Variants in CACNA2D2 observed in about 807,000 individuals in gnomAD.
CACNA2D2 encodes the protein calcium voltage-gated channel auxiliary subunit alpha2delta 2.
In CACNA2D2, 48 loss-of-function variants were observed where a neutral mutation model predicts 166.4. The ratio of observed to expected loss-of-function variants is 0.29; its 90% CI spans 0.23 to 0.37. CACNA2D2 has a LOEUF of 0.37. CACNA2D2 is among the 10% of genes least tolerant of loss of function. The pLI is 1.00. For synonymous variants in CACNA2D2, 561 were observed against 573.7 expected, an observed-to-expected ratio of 0.98 and a Z score of 0.32; for missense variants, 1,122 against 1,433.0, an observed-to-expected ratio of 0.78 and a Z score of 3.50.
chr3:50,401,186 C>T (rs1016717536), intron 3 of CACNA2D2, among the ~76,000 whole-genome samples: 1 of 152,222 alleles, frequency 6.6e-6, no homozygotes, highest in Admixed American at 6.5e-5. Flanking sequence ...TTGGCAGCAA[C>T]AGGCTCCCTG....
chr3:50,378,473 C>T, intron 13 of CACNA2D2, 140 bp from the exon 14 acceptor site: 1 of 813,554 alleles, frequency 1.2e-6, no homozygotes, highest in Non-Finnish European at 2.0e-6. Flanking sequence ...CCCTCTAGTG[C>T]TCCCGGCCTC....
intron 23 of CACNA2D2, among the ~76,000 whole-genome samples, chr3:50,369,492 G>C (rs191128416): frequency 6.6e-6 from 1 of 152,224 alleles, no homozygotes; most frequent in African/African-American, 2.4e-5. Flanking sequence ...CATCTACAGA[G>C]AGAGTCACAG....
At chr3:50,459,489 C>T (rs1163337140) in intron 2 of CACNA2D2, among the ~76,000 whole-genome samples, 2 of 152,150 alleles carry the variant, frequency 1.3e-5, no homozygotes, top group African/African-American at 4.8e-5. Context: ...CCTCCCACCC[C>T]ATGGTGCCCT....
chr3:50,494,420 G>C (rs531890949), intron 1 of CACNA2D2, among the ~76,000 whole-genome samples: 1 of 152,210 alleles, frequency 6.6e-6, no homozygotes, highest in South Asian at 2.1e-4. Context: ...CTGGAAACTC[G>C]AGGCAGAGCA....
At chr3:50,407,578 C>G (rs1354942992) in intron 3 of CACNA2D2, among the ~76,000 whole-genome samples, 1 of 152,190 alleles carries the variant, frequency 6.6e-6, no homozygotes, top group African/African-American at 2.4e-5. Flanking sequence ...GCCACAGTAC[C>G]CCATGGGGCA....
intron 4 of CACNA2D2, among the ~76,000 whole-genome samples, chr3:50,390,387 G>A (rs1705825389): frequency 6.6e-6 from 1 of 152,126 alleles, no homozygotes; most frequent in Admixed American, 6.5e-5. Context: ...GGATGAGGAG[G>A]CCTCCTCTGA....
intron 3 of CACNA2D2, among the ~76,000 whole-genome samples, chr3:50,394,421 T>C (rs1342354681): frequency 2.6e-5 from 4 of 152,186 alleles, no homozygotes; most frequent in African/African-American, 9.6e-5. Flanking sequence ...GGCATCTCCA[T>C]GGGACTCCCT....
intron 22 of CACNA2D2, among the ~76,000 whole-genome samples, chr3:50,370,870 TTC>T (rs1052445535): frequency 3.9e-5 from 6 of 152,216 alleles, no homozygotes; most frequent in Admixed American, 1.3e-4. Flanking sequence ...CTGCGGATTT[TTC>T]TCTCTCTTTC....
intron 2 of CACNA2D2, among the ~76,000 whole-genome samples, chr3:50,467,526 G>A (rs1340493027): frequency 6.6e-6 from 1 of 152,142 alleles, no homozygotes; most frequent in Non-Finnish European, 1.5e-5. Flanking sequence ...TCAGCCTTGT[G>A]GGCACCTATG....
In CACNA2D2 at chr3:50,378,344, A is replaced by G; in HGVS notation, c.1340-11T>C. The G allele has an allele frequency of 6.4e-7, 1 of 1,551,472 alleles. No individual in the cohort carries two copies. The highest frequency in any genetic ancestry group is 8.7e-7 in the Non-Finnish European group (1 of 1,147,038). Reference sequence around the variant, plus strand: ...TCTCAAAATAGTAGCCTGTGAAGGAAGGAGAGGCAGAGGTGGGCCTGGCTG... The same window carrying G: ...TCTCAAAATAGTAGCCTGTGAAGGAGGGAGAGGCAGAGGTGGGCCTGGCTG... On this transcript the variant is annotated splice_polypyrimidine_tract_variant and intron_variant, in intron 13 of 37. Coordinates refer to ENST00000424201, the MANE Select transcript of CACNA2D2 (RefSeq NM_006030.4).
chr3:50,397,387 T>C (rs1267831517), intron 3 of CACNA2D2, among the ~76,000 whole-genome samples: 2 of 152,140 alleles, frequency 1.3e-5, no homozygotes, highest in Admixed American at 1.3e-4. Flanking sequence ...CTAAGGCAGC[T>C]GGTGGGGTGC....
At chr3:50,368,631 C>T (rs894053520) in intron 23 of CACNA2D2, among the ~76,000 whole-genome samples, 2 of 152,214 alleles carry the variant, frequency 1.3e-5, no homozygotes, top group African/African-American at 4.8e-5. Flanking sequence ...CAAGCACTGG[C>T]TTTTTGTCAG....
rs991519950 is a variant in CACNA2D2, at chr3:50,375,174, G to A, written c.1908-361C>T. On this transcript the variant is annotated intron_variant, in intron 21 of 37. Coordinates refer to ENST00000424201, the MANE Select transcript of CACNA2D2 (RefSeq NM_006030.4). This position sits in a 1 kb window ranked among gnomAD's most constrained non-coding sequence, Gnocchi z 4.0. Reference sequence around the variant, plus strand: ...GCAATGCCAGTGTTGCCGTGGGAGTGGGGTCACCAGCCCCCAGATACTCAA... The same window carrying A: ...GCAATGCCAGTGTTGCCGTGGGAGTAGGGTCACCAGCCCCCAGATACTCAA... Among the ~76,000 whole-genome samples, 4 of 152,220 alleles carry A rather than the reference G, an allele frequency of 2.6e-5. No individual in the cohort carries two copies. Among genetic ancestry groups the A allele is most frequent in the African/African-American group, 9.7e-5 (4 of 41,444 alleles).
At position 50,385,827 on chromosome 3, in the gene CACNA2D2, C is replaced by T. The variant is rs41311611; in HGVS notation, c.511-1490G>A. 6.7e-3 allele frequency among the ~76,000 whole-genome samples: 1,026 copies of T among 152,250 alleles called. 6 individuals carry two copies. Among genetic ancestry groups the T allele is most frequent in the Middle Eastern group, 0.058 (17 of 292 alleles). On this transcript the variant is annotated intron_variant, in intron 5 of 37. Coordinates refer to ENST00000424201, the MANE Select transcript of CACNA2D2 (RefSeq NM_006030.4). ...GTTCCGCTCAGAGGAGGGGGAGGCG[C>T]GGGAGAAGAAAGCCCCCGAAATGTC...
intron 1 of CACNA2D2, among the ~76,000 whole-genome samples, chr3:50,492,312 C>T (rs545636291): frequency 6.4e-4 from 97 of 152,232 alleles, no homozygotes; most frequent in Non-Finnish European, 1.1e-3. Context: ...CATCTGAACC[C>T]GCAACTTGCT....
At chr3:50,488,738 T>C (rs1698397025) in intron 1 of CACNA2D2, among the ~76,000 whole-genome samples, 1 of 152,024 alleles carries the variant, frequency 6.6e-6, no homozygotes, top group African/African-American at 2.4e-5. Flanking sequence ...CTCGCTCTGT[T>C]GCCCAGGCTG....
At chr3:50,455,427 T>C (rs749481192) in intron 2 of CACNA2D2, among the ~76,000 whole-genome samples, 1 of 152,174 alleles carries the variant, frequency 6.6e-6, no homozygotes, top group Non-Finnish European at 1.5e-5. Context: ...GACCGGCACA[T>C]GGACTTTTAT....
At chr3:50,412,595 T>A (rs1269622237) in intron 3 of CACNA2D2, among the ~76,000 whole-genome samples, 1 of 151,880 alleles carries the variant, frequency 6.6e-6, no homozygotes, top group Non-Finnish European at 1.5e-5. Context: ...CATGTTTTTC[T>A]TTTCTTTTTT....
In CACNA2D2 at chr3:50,501,625, G is replaced by A. The variant is rs1449007249; in HGVS notation, c.206+1593C>T. 3.3e-5 allele frequency among the ~76,000 whole-genome samples: 5 copies of A among 152,210 alleles called. No individual in the cohort carries two copies. The East Asian group carries it at 9.6e-4, about 29-fold the overall frequency. On this transcript the variant is annotated intron_variant, in intron 1 of 37. Coordinates refer to ENST00000424201, the MANE Select transcript of CACNA2D2 (RefSeq NM_006030.4). The stretch of plus-strand genomic sequence containing the variant: ...CATCTGACCAACTGCACGTTGCAGG[G>A]AAAGGGAGTGAGGTCGGGAGAGGTG...
Sources: gnomAD v4.1 joint callset for allele counts (sites outside exome capture counted in the v4.1 genomes callset) on GRCh38, gnomAD v4.1.1 for gene constraint, Gnocchi (gnomAD v3.1) non-coding constraint, MANE v1.5 for transcripts, NCBI Gene and HGNC (gene_info 2026-07-23, HGNC 2026-07-21) for gene names.